The following BLK variants were observed in gnomAD, a reference collection of about 807,000 sequenced individuals.
The protein encoded by BLK is tyrosine-protein kinase Blk.
BLK carries 64 observed loss-of-function variants against 61.8 expected under a neutral mutation model. The ratio of observed to expected loss-of-function variants is 1.03; its 90% CI spans 0.85 to 1.27. The LOEUF is 1.27. Ranked by LOEUF, BLK falls within the 50% of genes most tolerant of loss-of-function variation. BLK has a pLI of 0.00. For missense variants in BLK, 853 were observed against 660.5 expected (o/e 1.29, Z -3.19); for synonymous variants, 351 against 272.0 (o/e 1.29, Z -2.86).
intron 4 of BLK, among the ~76,000 whole-genome samples, chr8:11,548,680 C>T (rs1231297039): frequency 3.9e-5 from 6 of 152,226 alleles, no homozygotes; most frequent in Admixed American, 1.3e-4. Flanking sequence ...GTCCTGACTG[C>T]TGATTCTATA....
intron 1 of BLK, among the ~76,000 whole-genome samples, chr8:11,516,198 C>T (rs1354225164): frequency 6.6e-5 from 10 of 152,182 alleles, no homozygotes; most frequent in African/African-American, 2.4e-4. Context: ...TAAATGAGTC[C>T]CTGGAGTAGT....
At chr8:11,543,182 C>CG (rs775877696) in intron 1 of BLK, 42 bp from the exon 2 acceptor site, 1 of 1,612,512 alleles carries the variant, frequency 6.2e-7, no homozygotes, top group African/African-American at 1.3e-5. Flanking sequence ...GATCTGAGGC[C>CG]CCGCTCTCTC....
At chr8:11,512,994 G>A (rs1799077394) in intron 1 of BLK, among the ~76,000 whole-genome samples, 1 of 152,160 alleles carries the variant, frequency 6.6e-6, no homozygotes, top group African/African-American at 2.4e-5. Flanking sequence ...GGTCTTACGG[G>A]CCACATAACA....
chr8:11,557,919 G>A lies in BLK; in HGVS notation c.953-43G>A, dbSNP rs201266266. Reference sequence around the variant, plus strand: ...GAGAGAGGCTGGCACCACCAGGGGCGGGTCACTTTGCAGAAGGGCACTTGC... The same window carrying A: ...GAGAGAGGCTGGCACCACCAGGGGCAGGTCACTTTGCAGAAGGGCACTTGC... On this transcript the variant is annotated intron_variant, in intron 9 of 12. Coordinates refer to ENST00000259089, the MANE Select transcript of BLK (RefSeq NM_001715.3). The A allele has an allele frequency of 2.0e-4, 312 of 1,586,730 alleles. No individual in the cohort carries two copies. The African/African-American group carries it at 2.1e-3, about 11-fold the overall frequency.
chr8:11,563,177 G>A (rs1487539550), intron 12 of BLK, 67 bp downstream of exon 12: 1 of 1,607,438 alleles, frequency 6.2e-7, no homozygotes, highest in African/African-American at 1.3e-5. Flanking sequence ...CAGGTCGCCT[G>A]TGCTTGGTGC....
Position 11,563,217 on chromosome 8 carries a change from G to A in BLK, c.1312+107G>A. The stretch of plus-strand genomic sequence containing the variant: ...GGCTGCCCTGTTCTTTTCAGAGTGA[G>A]TCCCAGAGCGAAGACGGAGACCCAG... On this transcript the variant is annotated intron_variant, in intron 12 of 12. Transcript: ENST00000259089. 2.0e-6 allele frequency: 3 copies of A among 1,515,922 alleles called. No individual in the cohort carries two copies. In the South Asian group the frequency reaches 3.7e-5, roughly 19 times the overall value. 93.9% of individuals were successfully genotyped at this position (1,515,922 alleles called of 1,614,324 possible).
rs2729938 is a variant in BLK, at chr8:11,529,420, G to A, written c.-1-13804G>A. Among the ~76,000 whole-genome samples, 724 of 152,122 alleles carry A rather than the reference G, an allele frequency of 4.8e-3. 5 individuals are homozygous for A. Among genetic ancestry groups the A allele is most frequent in the African/African-American group, 0.015 (637 of 41,506 alleles). On this transcript the variant is annotated intron_variant, in intron 1 of 12. Transcript: ENST00000259089. ...CAGGGAGTCAAAGCTGTCTTCCTGC[G>A]CTGAGTCAATTCCTGGGTGGGAGCC...
At chr8:11,542,447 G>C (rs1372002534) in intron 1 of BLK, among the ~76,000 whole-genome samples, 1 of 152,168 alleles carries the variant, frequency 6.6e-6, no homozygotes, top group Non-Finnish European at 1.5e-5. Flanking sequence ...AGTGGTCTCA[G>C]GTCAGACTGG....
intron 1 of BLK, among the ~76,000 whole-genome samples, chr8:11,519,149 T>G (rs2095278475): frequency 6.6e-6 from 1 of 152,206 alleles, no homozygotes; most frequent in Non-Finnish European, 1.5e-5. Flanking sequence ...AGCTGTGGCC[T>G]CCAGCATGTT....
chr8:11,506,374 G>T (rs1435881254), intron 1 of BLK, among the ~76,000 whole-genome samples: 1 of 152,186 alleles, frequency 6.6e-6, no homozygotes, highest in Non-Finnish European at 1.5e-5. Context: ...AACAGAATGT[G>T]CTGAATCCTT....
intron 6 of BLK, chr8:11,553,465 C>T (rs1214733522): frequency 7.4e-6 from 3 of 404,226 alleles, no homozygotes; most frequent in African/African-American, 4.1e-5. Flanking sequence ...CCATCAGGGA[C>T]GGGGCCTCAG....
intron 1 of BLK, among the ~76,000 whole-genome samples, chr8:11,542,331 A>C (rs541136762): frequency 6.6e-6 from 1 of 152,362 alleles, no homozygotes; most frequent in Non-Finnish European, 1.5e-5. Flanking sequence ...CATCCAAAGG[A>C]AATCACCACT....
intron 1 of BLK, among the ~76,000 whole-genome samples, chr8:11,525,148 G>A (rs969589974): frequency 5.9e-5 from 9 of 152,300 alleles, no homozygotes; most frequent in South Asian, 2.1e-4. Flanking sequence ...CACCTCTTTC[G>A]TGCTGACCCT....
chr8:11,511,412 G>A lies in BLK; in HGVS notation c.-2+16821G>A, dbSNP rs540649735. Among the ~76,000 whole-genome samples, 525 of 149,038 alleles carry A rather than the reference G, an allele frequency of 3.5e-3. 1 individual carries two copies. The highest frequency in any genetic ancestry group is 5.9e-3 in the Non-Finnish European group (400 of 67,546). On this transcript the variant is annotated intron_variant, in intron 1 of 12. Transcript: ENST00000259089. Reference sequence around the variant, plus strand: ...TACATATGTAACAAACCTGTATGTTGTGCACATGTACCCTAAAACTTAAAG... The same window carrying A: ...TACATATGTAACAAACCTGTATGTTATGCACATGTACCCTAAAACTTAAAG...
rs1297897319 is a variant in BLK, at chr8:11,564,018, G to T, written c.1428G>T (p.Arg476=). The part of the protein sequence containing the change: ...RGVIAECWRS[R]PEERPTFEFL... ...TCATCGCCGAGTGCTGGCGCAGCCGGCCCGAGGAGCGGCCCACCTTCGAGT... is the reference window on the plus strand; with the variant it reads ...TCATCGCCGAGTGCTGGCGCAGCCGTCCCGAGGAGCGGCCCACCTTCGAGT... The change falls in exon 13 of 13, where the codon CGG becomes CGT. Residue 476 remains arginine, a synonymous_variant. Transcript: ENST00000259089. 2 of 1,604,898 alleles carry T rather than the reference G, an allele frequency of 1.2e-6. No individual in the cohort carries two copies. The highest frequency in any genetic ancestry group is 1.7e-5 in the Admixed American group (1 of 59,854).
chr8:11,550,908 A>T (rs561851720), intron 6 of BLK, among the ~76,000 whole-genome samples: 1 of 152,340 alleles, frequency 6.6e-6, no homozygotes, highest in South Asian at 2.1e-4. Flanking sequence ...ATTCTAAATC[A>T]TATAGGGTAA....
chr8:11,534,147 T>C (rs536789468), intron 1 of BLK, among the ~76,000 whole-genome samples: 2 of 152,340 alleles, frequency 1.3e-5, no homozygotes, highest in African/African-American at 4.8e-5. Flanking sequence ...AAATACAAAC[T>C]GAGGTTTCAG....
At chr8:11,547,610 T>C (rs913601978) in intron 3 of BLK, among the ~76,000 whole-genome samples, 1 of 152,256 alleles carries the variant, frequency 6.6e-6, no homozygotes, top group East Asian at 1.9e-4. Flanking sequence ...CTACTGGGGA[T>C]AGAGGCAGGC....
chr8:11,535,261 G>GAAGAAAGAAAGAAAGAAAGAAAGAAGA (rs1800071137), intron 1 of BLK, among the ~76,000 whole-genome samples: 2 of 110,454 alleles, frequency 1.8e-5, no homozygotes, highest in Non-Finnish European at 3.7e-5. Flanking sequence ...AAGAAAGAAA[G>GAAGAAAGAAAGAAAGAAAGAAAGAAGA]AAGAAAGAAA....
Sources: allele counts gnomAD v4.1 joint callset (sites outside exome capture counted in the v4.1 genomes callset), GRCh38; gene constraint gnomAD v4.1.1; transcripts MANE v1.5; gene names NCBI Gene and HGNC (gene_info 2026-07-23, HGNC 2026-07-21).